CNTN5: variants seen among roughly 807,000 people sequenced by gnomAD.
CNTN5 encodes the protein contactin 5.
A neutral mutation model predicts 129.1 loss-of-function variants in CNTN5; 77 were observed. That is an observed-to-expected ratio of 0.60 (90% CI 0.50 to 0.72). CNTN5 has a LOEUF of 0.72. Among genes scored for constraint, CNTN5 ranks in the 30% least tolerant of loss-of-function variants. The probability of loss-of-function intolerance (pLI) is 0.00; values close to 1 mark genes in which losing one functional copy is unlikely to be tolerated. For synonymous variants in CNTN5, 509 were observed against 465.6 expected (o/e 1.09, Z -1.20); for missense variants, 1,478 against 1,328.8 (o/e 1.11, Z -1.75).
At chr11:99,144,852 C>T (rs1859701138) in intron 1 of CNTN5, among the ~76,000 whole-genome samples, 1 of 151,542 alleles carries the variant, frequency 6.6e-6, no homozygotes, top group African/African-American at 2.4e-5. Context: ...TCTCTTGTAT[C>T]TTTCTTAGTT....
chr11:99,932,544 A>G (rs990853858), intron 7 of CNTN5, among the ~76,000 whole-genome samples: 3 of 152,162 alleles, frequency 2.0e-5, no homozygotes, highest in African/African-American at 4.8e-5. Flanking sequence ...TAGTATATGT[A>G]TACATATTTC....
intron 3 of CNTN5, among the ~76,000 whole-genome samples, chr11:99,714,853 G>GAAAAA (rs10699540): frequency 1.3e-5 from 2 of 148,164 alleles, no homozygotes; most frequent in Admixed American, 6.8e-5. Context: ...AGCTCATGTG[G>GAAAAA]AAAAAAAAAA....
At chr11:99,971,044 A>G (rs1951237010) in intron 8 of CNTN5, among the ~76,000 whole-genome samples, 1 of 152,224 alleles carries the variant, frequency 6.6e-6, no homozygotes, top group South Asian at 2.1e-4. Flanking sequence ...CTACCATATA[A>G]TAAGCATAGT....
chr11:99,258,731 T>G (rs1862494026), intron 1 of CNTN5, among the ~76,000 whole-genome samples: 1 of 151,916 alleles, frequency 6.6e-6, no homozygotes, highest in South Asian at 2.1e-4. Flanking sequence ...GCATTTTTGC[T>G]AGTTGGGGTT....
chr11:99,573,729 A>G (rs1007109319), intron 3 of CNTN5, among the ~76,000 whole-genome samples: 2 of 151,922 alleles, frequency 1.3e-5, no homozygotes, highest in Admixed American at 1.3e-4. Context: ...TCCTGGGTTC[A>G]AGAGATTCTC....
chr11:100,095,661 A>T (rs1306921971), intron 13 of CNTN5, among the ~76,000 whole-genome samples: 1 of 152,106 alleles, frequency 6.6e-6, no homozygotes, highest in African/African-American at 2.4e-5. Flanking sequence ...GAAAAATGTG[A>T]TTGTACTTTT....
chr11:100,348,055 T>C (rs1474076731), intron 23 of CNTN5, among the ~76,000 whole-genome samples: 2 of 152,046 alleles, frequency 1.3e-5, no homozygotes, highest in African/African-American at 4.8e-5. Context: ...CTCAGTTTTT[T>C]TTTTAATACC....
intron 2 of CNTN5, among the ~76,000 whole-genome samples, chr11:99,382,989 T>C (rs2136165879): frequency 6.6e-6 from 1 of 151,488 alleles, no homozygotes; most frequent in South Asian, 2.1e-4. Context: ...CCTGAGTAGC[T>C]GGGACTACAG....
rs149548633 is a variant in CNTN5 at position 99,206,593 on chromosome 11, G to A, written c.-209-118753G>A. ...GTGTATGTGTATGTGACTTTTTCCG[G>A]GTTTTGACAAAAGTTCTTACCCACT... On this transcript the variant is annotated intron_variant, in intron 1 of 24. Coordinates refer to ENST00000524871, the MANE Select transcript of CNTN5 (RefSeq NM_014361.4). Among the ~76,000 whole-genome samples the A allele has an allele frequency of 4.3e-3, 643 of 151,024 alleles. 6 individuals carry two copies. The highest frequency in any genetic ancestry group is 0.013 in the African/African-American group (546 of 40,946).
chr11:99,523,334 T>A (rs965289564), intron 2 of CNTN5, among the ~76,000 whole-genome samples: 1 of 152,062 alleles, frequency 6.6e-6, no homozygotes, highest in African/African-American at 2.4e-5. Flanking sequence ...GCTGGCTGGG[T>A]GCAGTGGCTC....
intron 13 of CNTN5, among the ~76,000 whole-genome samples, chr11:100,096,150 C>T (rs540962600): frequency 6.7e-6 from 1 of 149,868 alleles, no homozygotes; most frequent in East Asian, 1.9e-4. Flanking sequence ...AATTTTTGAA[C>T]AAGAAACCCA....
At chr11:100,271,307 T>G in intron 18 of CNTN5, 66 bp downstream of exon 18, 5 of 1,152,366 alleles carry the variant, frequency 4.3e-6, no homozygotes, top group Non-Finnish European at 6.0e-6. Flanking sequence ...TGAGTTGAAT[T>G]AACCATGATT....
chr11:99,242,175 C>G (rs1426982754), intron 1 of CNTN5, among the ~76,000 whole-genome samples: 1 of 151,836 alleles, frequency 6.6e-6, no homozygotes, highest in African/African-American at 2.4e-5. Flanking sequence ...TTATTGGTAG[C>G]AAAAAAATAA....
chr11:99,475,202 C>G (rs370339044), intron 2 of CNTN5, among the ~76,000 whole-genome samples: 4 of 152,128 alleles, frequency 2.6e-5, no homozygotes, highest in African/African-American at 7.2e-5. Context: ...TTAATTATCA[C>G]TATAGTGGGT....
intron 15 of CNTN5, among the ~76,000 whole-genome samples, chr11:100,214,321 G>A (rs1049478070): frequency 3.9e-5 from 6 of 152,276 alleles, no homozygotes; most frequent in South Asian, 2.1e-4. Context: ...TATCCCTGAA[G>A]GGTAGGGGCA....
At chr11:99,848,892 G>T (rs1001713597) in intron 6 of CNTN5, among the ~76,000 whole-genome samples, 6 of 152,068 alleles carry the variant, frequency 3.9e-5, no homozygotes, top group Non-Finnish European at 5.9e-5. Flanking sequence ...TCAAATTCGA[G>T]ATCTGTTTAA....
At chr11:99,957,424 C>G (rs1486431368) in intron 8 of CNTN5, among the ~76,000 whole-genome samples, 1 of 152,142 alleles carries the variant, frequency 6.6e-6, no homozygotes, top group Admixed American at 6.5e-5. Flanking sequence ...TTTAATACTT[C>G]ATGGTATAGT....
intron 9 of CNTN5, among the ~76,000 whole-genome samples, chr11:100,023,218 GAT>G (rs1273089833): frequency 2.6e-5 from 4 of 152,114 alleles, no homozygotes; most frequent in Non-Finnish European, 5.9e-5. Flanking sequence ...TTCACCTTTT[GAT>G]AGATTCTATT....
chr11:100,037,003 A>C (rs186343784), intron 9 of CNTN5, among the ~76,000 whole-genome samples: 3,265 of 151,556 alleles, frequency 0.022, 104 homozygotes, highest in African/African-American at 0.07. Flanking sequence ...TTCCAACACT[A>C]TGTTGAATAG....
Sources: allele counts gnomAD v4.1 joint callset (sites outside exome capture counted in the v4.1 genomes callset), GRCh38; gene constraint gnomAD v4.1.1; transcripts MANE v1.5; gene names NCBI Gene and HGNC (gene_info 2026-07-23, HGNC 2026-07-21).